Variants in MAOB observed in about 807,000 individuals in gnomAD.
The protein encoded by MAOB is amine oxidase [flavin-containing] B.
MAOB carries 15 observed loss-of-function variants against 41.9 expected under a neutral mutation model. The ratio of observed to expected loss-of-function variants is 0.36; its 90% CI spans 0.24 to 0.55. The LOEUF is 0.55. Among genes scored for constraint, MAOB ranks in the 20% least tolerant of loss-of-function variants. The pLI is 0.86. For missense variants in MAOB, 345 were observed against 398.7 expected, an observed-to-expected ratio of 0.87 and a Z score of 1.15; for synonymous variants, 167 against 144.2, an observed-to-expected ratio of 1.16 and a Z score of -1.13.
chrX:43,788,988 A>G (rs200437796), intron 8 of MAOB, among the ~76,000 whole-genome samples: 2 of 111,361 alleles, frequency 1.8e-5, no homozygotes, highest in East Asian at 5.6e-4. Flanking sequence ...CTCTTTTCAG[A>G]TTTTGGAATT....
chrX:43,830,286 C>T (rs1481043107), intron 3 of MAOB, among the ~76,000 whole-genome samples: 1 of 111,008 alleles, frequency 9.0e-6, no homozygotes, highest in Admixed American at 9.6e-5. Flanking sequence ...TCCTGAGATG[C>T]CTCCTGTCTC....
rs759920648 is a variant in MAOB at position 43,769,193 on chromosome X, G to T, written c.1347+114C>A. 1.5e-5 allele frequency: 15 copies of T among 1,010,946 alleles called. No homozygotes were observed. In the South Asian group the frequency reaches 4.6e-4, roughly 31 times the overall value. 83.3% of individuals were successfully genotyped at this position (1,010,946 alleles called of 1,213,427 possible). A position where few individuals can be genotyped will look rare whatever the true frequency, so the allele number is the denominator to read the frequency against. ...CAATAGTTAAAATAGTATTTTATGGGTCTTAAGATGGGGGTTACTGGAGAG... is the reference window on the plus strand; with the variant it reads ...CAATAGTTAAAATAGTATTTTATGGTTCTTAAGATGGGGGTTACTGGAGAG... On this transcript the variant is annotated intron_variant, in intron 13 of 14. Coordinates refer to ENST00000378069, the MANE Select transcript of MAOB (RefSeq NM_000898.5).
intron 8 of MAOB, among the ~76,000 whole-genome samples, chrX:43,785,996 C>T (rs112600559): frequency 0.02 from 2,267 of 111,557 alleles, 79 homozygotes; most frequent in African/African-American, 0.069. Flanking sequence ...TGAGTACACG[C>T]TGTTGGAAAA....
At chrX:43,786,523 C>T (rs2034402038) in intron 8 of MAOB, among the ~76,000 whole-genome samples, 1 of 111,472 alleles carries the variant, frequency 9.0e-6, no homozygotes, top group South Asian at 3.8e-4. Context: ...CATGCTGGGG[C>T]AGGAAAAGAT....
At chrX:43,802,799 G>A (rs2034612955) in intron 4 of MAOB, among the ~76,000 whole-genome samples, 1 of 110,336 alleles carries the variant, frequency 9.1e-6, no homozygotes, top group African/African-American at 3.3e-5. Flanking sequence ...GGCAAGGGGA[G>A]GGAGAGCATT....
At chrX:43,773,646 A>C (rs1397188668) in intron 12 of MAOB, among the ~76,000 whole-genome samples, 2 of 112,403 alleles carry the variant, frequency 1.8e-5, no homozygotes, top group Non-Finnish European at 3.8e-5. Flanking sequence ...ACCCAGTGGG[A>C]GATGAGTGAA....
intron 5 of MAOB, among the ~76,000 whole-genome samples, chrX:43,800,136 C>T (rs2034574217): frequency 9.0e-6 from 1 of 110,996 alleles, no homozygotes; most frequent in Non-Finnish European, 1.9e-5. Context: ...CCTAGTATCT[C>T]AGAATGCTTT....
chrX:43,843,639 A>C, intron 2 of MAOB, 31 bp downstream of exon 2: 1 of 1,189,029 alleles, frequency 8.4e-7, no homozygotes. Flanking sequence ...CTTCAGTCCC[A>C]CATTTGTCCT....
intron 1 of MAOB, among the ~76,000 whole-genome samples, chrX:43,878,605 A>T (rs765722934): frequency 9.0e-6 from 1 of 111,487 alleles, no homozygotes; most frequent in East Asian, 2.8e-4. Context: ...ATTTTCAGGC[A>T]TATCTATATA....
Position 43,795,782 on chromosome X carries a change from C to T in MAOB, c.725G>A (p.Arg242Lys), listed in dbSNP as rs989269368. 4 of 1,209,023 alleles carry T rather than the reference C, an allele frequency of 3.3e-6. No homozygotes were observed. The highest frequency in any genetic ancestry group is 2.3e-4 in the Middle Eastern group (1 of 4,366). The change falls in exon 7 of 15, where the codon AGA (arginine) becomes AAA (lysine). Residue 242 changes from arginine (R) to lysine (K), a missense_variant. By Grantham distance (26) the Arg-to-Lys change is conservative. Transcript: ENST00000378069. ...TAGGGTCTCCACAAGGACATTTTCT[C>T]TTGTCTGGTCAATGTAGATCACAGG... ...ERPVIYIDQTRENVLVETLNH... is the reference protein window; with the variant it reads ...ERPVIYIDQTKENVLVETLNH...
chrX:43,799,980 A>G (rs1267523170), intron 5 of MAOB, among the ~76,000 whole-genome samples: 1 of 112,020 alleles, frequency 8.9e-6, no homozygotes, highest in Non-Finnish European at 1.9e-5. Context: ...AGAATAATCA[A>G]CATTAGTCTT....
intron 8 of MAOB, among the ~76,000 whole-genome samples, chrX:43,781,911 T>C (rs777682203): frequency 4.2e-4 from 47 of 112,081 alleles, no homozygotes; most frequent in Non-Finnish European, 7.0e-4. Flanking sequence ...AGTTCATTAC[T>C]GTAAAAAAGA....
Position 43,882,237 on chromosome X carries a change from G to A in MAOB, c.46+17C>T. ...CGAGCGCGTGAAGAGGAAGGAGGGC[G>A]CACAGCCGCGACTAACCTGAGATGC... On this transcript the variant is annotated intron_variant, in intron 1 of 14. Coordinates refer to ENST00000378069, the MANE Select transcript of MAOB (RefSeq NM_000898.5). 8.3e-7 allele frequency: 1 copy of A among 1,207,832 alleles called. No individual in the cohort carries two copies. Among genetic ancestry groups the A allele is most frequent in the East Asian group, 3.0e-5 (1 of 33,534 alleles).
chrX:43,842,008 A>G (rs1569227459), intron 2 of MAOB, among the ~76,000 whole-genome samples: 1 of 112,285 alleles, frequency 8.9e-6, no homozygotes, highest in Non-Finnish European at 1.9e-5. Context: ...GACACTAGTC[A>G]GGGAAATGAT....
At chrX:43,876,433 A>G (rs1002910290) in intron 1 of MAOB, among the ~76,000 whole-genome samples, 1 of 112,161 alleles carries the variant, frequency 8.9e-6, no homozygotes, top group Non-Finnish European at 1.9e-5. Flanking sequence ...GAAATAATAC[A>G]TATTTGTTGT....
chrX:43,794,426 C>T (rs747347747), intron 7 of MAOB, among the ~76,000 whole-genome samples: 50 of 110,201 alleles, frequency 4.5e-4, no homozygotes, highest in Non-Finnish European at 7.8e-4. Flanking sequence ...TGATTTTTTC[C>T]GCACTAATTA....
intron 1 of MAOB, among the ~76,000 whole-genome samples, chrX:43,856,648 T>C (rs2035289577): frequency 8.9e-6 from 1 of 111,952 alleles, no homozygotes; most frequent in African/African-American, 3.2e-5. Context: ...ATGTATTATA[T>C]ACTGCATTCT....
intron 11 of MAOB, among the ~76,000 whole-genome samples, chrX:43,777,034 A>C (rs899503488): frequency 5.4e-5 from 6 of 110,502 alleles, no homozygotes; most frequent in Non-Finnish European, 9.5e-5. Context: ...GTTGGTTTCA[A>C]GTCTTTGCTA....
chrX:43,843,355 T>TCA (rs1491579122), intron 2 of MAOB, among the ~76,000 whole-genome samples: 3 of 74,532 alleles, frequency 4.0e-5, no homozygotes, highest in African/African-American at 6.0e-5. Flanking sequence ...TCTCTCTCTG[T>TCA]CTCACACACA....
Sources: gnomAD v4.1 joint callset for allele counts (sites outside exome capture counted in the v4.1 genomes callset) on GRCh38, gnomAD v4.1.1 for gene constraint, MANE v1.5 for transcripts, NCBI Gene and HGNC (gene_info 2026-07-23, HGNC 2026-07-21) for gene names.